Variants in KRT8 observed in about 807,000 individuals in gnomAD.
KRT8 encodes keratin, type II cytoskeletal 8.
In KRT8, 24 loss-of-function variants were observed where a neutral mutation model predicts 43.0. That is an observed-to-expected ratio of 0.56 (90% CI 0.40 to 0.78). The LOEUF (loss-of-function observed/expected upper bound fraction) is 0.78. Among genes scored for constraint, KRT8 ranks in the 30% least tolerant of loss-of-function variants. The pLI is 0.00. For synonymous variants in KRT8, 214 were observed against 261.2 expected, an observed-to-expected ratio of 0.82 and a Z score of 1.74; for missense variants, 492 against 638.4, an observed-to-expected ratio of 0.77 and a Z score of 2.47.
At chr12:52,913,044 G>C (rs1045235410) in intron 2 of KRT8, among the ~76,000 whole-genome samples, 7 of 152,200 alleles carry the variant, frequency 4.6e-5, no homozygotes, top group African/African-American at 1.7e-4. Flanking sequence ...TGCCTGCCTT[G>C]GGTTGAGGCT....
intron 7 of KRT8, among the ~76,000 whole-genome samples, 175 bp downstream of exon 7, chr12:52,898,286 T>C (rs1466031087): frequency 6.6e-6 from 1 of 152,210 alleles, no homozygotes; most frequent in African/African-American, 2.4e-5. Context: ...AGTTACTAAG[T>C]AATAAAGTTA....
chr12:52,903,246 A>G (rs1466623203), intron 1 of KRT8, among the ~76,000 whole-genome samples: 7 of 145,784 alleles, frequency 4.8e-5, no homozygotes, highest in Non-Finnish European at 1.1e-4. Flanking sequence ...ACTTTTGCCT[A>G]TATGGATTTA....
chr12:52,938,575 G>A (rs932007758), intron 2 of KRT8, among the ~76,000 whole-genome samples: 5 of 151,620 alleles, frequency 3.3e-5, no homozygotes, highest in Admixed American at 6.6e-5. Flanking sequence ...CCAATAGTTC[G>A]AGACAAGCCT....
intron 2 of KRT8, among the ~76,000 whole-genome samples, chr12:52,931,225 G>T (rs1442476881): frequency 6.6e-6 from 1 of 152,032 alleles, no homozygotes; most frequent in Non-Finnish European, 1.5e-5. Flanking sequence ...CCGCCATCAA[G>T]CCTGGCTAAT....
At chr12:52,941,348 C>A (rs1285015922) in intron 2 of KRT8, among the ~76,000 whole-genome samples, 2 of 152,090 alleles carry the variant, frequency 1.3e-5, no homozygotes, top group African/African-American at 4.8e-5. Flanking sequence ...ATAATATCCA[C>A]CAGCAGGAGA....
chr12:52,905,270 A>G (rs1941488863), upstream of KRT8, among the ~76,000 whole-genome samples: 1 of 152,128 alleles, frequency 6.6e-6, no homozygotes, highest in South Asian at 2.1e-4. Flanking sequence ...CACCACCCCC[A>G]GAAACCCAGG....
chr12:52,906,812 A>G (rs750776997), upstream of KRT8: 3 of 455,482 alleles, frequency 6.6e-6, no homozygotes, highest in South Asian at 3.1e-5. Flanking sequence ...TACTGGGAGG[A>G]CAGATGTACA....
upstream of KRT8, among the ~76,000 whole-genome samples, chr12:52,910,250 A>G (rs1450453396): frequency 6.6e-6 from 1 of 152,130 alleles, no homozygotes; most frequent in Non-Finnish European, 1.5e-5. Context: ...AGATTATAAC[A>G]GTATACGTGC....
chr12:52,919,901 G>A (rs1165119138), intron 2 of KRT8, among the ~76,000 whole-genome samples: 1 of 152,048 alleles, frequency 6.6e-6, no homozygotes, highest in African/African-American at 2.4e-5. Context: ...GCCTGCCTTG[G>A]CCTCCCAAGG....
chr12:52,938,155 TATATATATATATA>T (rs1565732899), intron 2 of KRT8, among the ~76,000 whole-genome samples: 362 of 34,028 alleles, frequency 0.011, 27 homozygotes, highest in African/African-American at 0.051. Context: ...TATATATATA[TATATATATATATA>T]TATTTTTTTT....
chr12:52,908,289 A>C (rs1007963849), upstream of KRT8, among the ~76,000 whole-genome samples: 4 of 152,002 alleles, frequency 2.6e-5, no homozygotes, highest in African/African-American at 9.7e-5. Context: ...GCAGTGGCGC[A>C]ATCTCGGCTC....
intron 2 of KRT8, chr12:52,926,332 G>GGCCAGCC: frequency 1.7e-6 from 1 of 600,278 alleles, no homozygotes; most frequent in Non-Finnish European, 3.0e-6. Context: ...GGCACTAGCT[G>GGCCAGCC]CCCTCCCCAC....
chr12:52,915,851 GT>G (rs1258474841), intron 2 of KRT8, among the ~76,000 whole-genome samples: 1 of 152,204 alleles, frequency 6.6e-6, no homozygotes, highest in Non-Finnish European at 1.5e-5. Flanking sequence ...AGATATCCGT[GT>G]ACACACCGAG....
At chr12:52,946,828 G>C (rs1330781296) in intron 2 of KRT8, 1 of 152,218 alleles carries the variant, frequency 6.6e-6, no homozygotes, top group Non-Finnish European at 1.5e-5. Context: ...CCCTCCCCTG[G>C]CCAGCTTCCA....
At chr12:52,918,036 GAGA>G (rs71092792) in intron 2 of KRT8, among the ~76,000 whole-genome samples, 2 of 113,092 alleles carry the variant, frequency 1.8e-5, no homozygotes, top group African/African-American at 3.5e-5. Context: ...AGAGGAGGAG[GAGA>G]AGAAGAAGAA....
intron 2 of KRT8, among the ~76,000 whole-genome samples, chr12:52,912,488 C>T (rs1435267187): frequency 6.6e-6 from 1 of 152,206 alleles, no homozygotes; most frequent in South Asian, 2.1e-4. Flanking sequence ...TGGAACTTGA[C>T]AAAGCATCCC....
chr12:52,934,178 G>A lies in KRT8; in HGVS notation c.-47+15278C>T, dbSNP rs568060060. 3.3e-5 allele frequency among the ~76,000 whole-genome samples: 5 copies of A among 151,880 alleles called. No individual in the cohort carries two copies. The South Asian group carries it at 1.0e-3, about 32-fold the overall frequency. On this transcript the variant is annotated intron_variant, in intron 2 of 6. Coordinates refer to the KRT8 transcript ENST00000546826. ...CAGGAGGCGGAGGTTGCAGTGAGTC[G>A]AGATTGTGCCACTGCACTCCAGCCT...
exon 2 of KRT8, chr12:52,901,976 C>G (rs772982434): frequency 6.2e-7 from 1 of 1,606,184 alleles, no homozygotes; most frequent in Non-Finnish European, 8.5e-7. Flanking sequence ...ATGTAGCTCT[C>G]GAACATGTTG....
At position 52,949,307 on chromosome 12, in the gene KRT8, G is replaced by C. The variant is rs200221269; in HGVS notation, c.-47+149C>G. On this transcript the variant is annotated intron_variant, in intron 2 of 6. Transcript: ENST00000546826. ...GCAGGCGCTGGGGGCTCTGGTTCCC[G>C]GATCTCCGTGTCCCGCTCCACCAGC... is the stretch of plus-strand genomic sequence containing the variant. 285 of 1,610,362 alleles carry C rather than the reference G, an allele frequency of 1.8e-4. No individual in the cohort carries two copies. The highest frequency in any genetic ancestry group is 2.3e-4 in the Non-Finnish European group (277 of 1,179,772).
Sources: allele counts gnomAD v4.1 joint callset (sites outside exome capture counted in the v4.1 genomes callset), GRCh38; gene constraint gnomAD v4.1.1; transcripts MANE v1.5; gene names NCBI Gene and HGNC (gene_info 2026-07-23, HGNC 2026-07-21).